The following MAML2 variants were observed in gnomAD, a reference collection of about 807,000 sequenced individuals.
The protein encoded by MAML2 is mastermind-like protein 2.
MAML2 carries 22 observed loss-of-function variants against 96.1 expected under a neutral mutation model. That is an observed-to-expected ratio of 0.23 (90% CI 0.16 to 0.33). MAML2 has a LOEUF of 0.33. MAML2 is among the 10% of genes least tolerant of loss of function. The probability of loss-of-function intolerance (pLI) is 1.00; values close to 1 mark genes in which losing one functional copy is unlikely to be tolerated. For missense variants in MAML2, 1,367 were observed against 1,392.4 expected (o/e 0.98, Z 0.29); for synonymous variants, 561 against 521.3 (o/e 1.08, Z -1.04).
intron 1 of MAML2, among the ~76,000 whole-genome samples, chr11:96,176,614 TG>T (rs1861392051): frequency 6.6e-6 from 1 of 151,976 alleles, no homozygotes; most frequent in Non-Finnish European, 1.5e-5. Flanking sequence ...TATGAGAAAA[TG>T]GAAAAGGTGA....
intron 1 of MAML2, among the ~76,000 whole-genome samples, chr11:96,184,768 C>CT (rs1861547047): frequency 6.6e-6 from 1 of 151,736 alleles, no homozygotes; most frequent in Non-Finnish European, 1.5e-5. Context: ...TTTTTGTATT[C>CT]TTAGTAGAGA....
In MAML2 at chr11:95,991,544, G is replaced by T; in HGVS notation, c.2319C>A (p.Leu773=). 1.2e-6 allele frequency: 2 copies of T among 1,613,728 alleles called. No individual in the cohort carries two copies. Among genetic ancestry groups the T allele is most frequent in the Non-Finnish European group, 1.7e-6 (2 of 1,179,700 alleles). The stretch of plus-strand genomic sequence containing the variant: ...CCGCGTCAGCCAGCATCTGCTGCTG[G>T]AGAAGAAGTTGCTGTTTCTGCTCCA... ...QIMEQKQQLL[L]QQQMLADAEK... The change falls in exon 3 of 5, where the codon CTC becomes CTA. Residue 773 remains leucine (L), a synonymous_variant. Transcript: ENST00000524717.
chr11:96,299,405 T>C (rs143986340), intron 1 of MAML2, among the ~76,000 whole-genome samples: 1 of 151,690 alleles, frequency 6.6e-6, no homozygotes, highest in Admixed American at 6.6e-5. Context: ...GTTTGCCTGG[T>C]GGATGAAGTC....
At chr11:96,042,400 C>T (rs775551734) in intron 2 of MAML2, among the ~76,000 whole-genome samples, 1 of 152,294 alleles carries the variant, frequency 6.6e-6, no homozygotes, top group African/African-American at 2.4e-5. Context: ...GGATTACAGG[C>T]GTGAGCCAGT....
At chr11:96,049,776 T>G (rs565738145) in intron 2 of MAML2, among the ~76,000 whole-genome samples, 1 of 152,324 alleles carries the variant, frequency 6.6e-6, no homozygotes, top group Admixed American at 6.5e-5. Flanking sequence ...AATGGAGTAC[T>G]TAATCCTTTT....
At chr11:96,046,991 C>T (rs1392362492) in intron 2 of MAML2, among the ~76,000 whole-genome samples, 1 of 152,170 alleles carries the variant, frequency 6.6e-6, no homozygotes. Flanking sequence ...AAGACTAGAT[C>T]AGGACCTTAC....
At chr11:96,034,553 C>T (rs1858674369) in intron 2 of MAML2, among the ~76,000 whole-genome samples, 1 of 151,900 alleles carries the variant, frequency 6.6e-6, no homozygotes, top group Non-Finnish European at 1.5e-5. Context: ...CATCAACTTA[C>T]TATAAAGCTC....
At position 96,216,027 on chromosome 11, in the gene MAML2, C is replaced by T. The variant is rs373533120; in HGVS notation, c.514-122510G>A. On this transcript the variant is annotated intron_variant, in intron 1 of 4. Transcript: ENST00000524717. The stretch of plus-strand genomic sequence containing the variant: ...GCATATTTTGAGACAGAGTTACATA[C>T]TCAATTTGCTTAAAAAAAAAATAGA... Among the ~76,000 whole-genome samples, 91 of 150,556 alleles carry T rather than the reference C, an allele frequency of 6.0e-4. 2 individuals carry two copies. In the South Asian group the frequency reaches 0.018, roughly 30 times the overall value.
intron 1 of MAML2, among the ~76,000 whole-genome samples, chr11:96,179,597 G>A (rs1861451000): frequency 6.6e-6 from 1 of 152,156 alleles, no homozygotes; most frequent in Admixed American, 6.5e-5. Flanking sequence ...CCAGGTCTCT[G>A]AAGGTTAGAT....
intron 1 of MAML2, among the ~76,000 whole-genome samples, chr11:96,144,467 T>C (rs980662657): frequency 1.3e-5 from 2 of 152,124 alleles, no homozygotes; most frequent in South Asian, 2.1e-4. Flanking sequence ...TTCAACCATA[T>C]GTAGAGGAAT....
At chr11:96,261,817 A>G (rs1828549083) in intron 1 of MAML2, among the ~76,000 whole-genome samples, 1 of 152,282 alleles carries the variant, frequency 6.6e-6, no homozygotes, top group Admixed American at 6.5e-5. Flanking sequence ...ATTATAAACA[A>G]CCAAGTTACC....
At chr11:96,273,658 T>C (rs1862944798) in intron 1 of MAML2, among the ~76,000 whole-genome samples, 1 of 152,232 alleles carries the variant, frequency 6.6e-6, no homozygotes, top group Admixed American at 6.5e-5. Flanking sequence ...GTAGTAGTTA[T>C]GTGACTTAGG....
intron 1 of MAML2, among the ~76,000 whole-genome samples, chr11:96,199,741 T>C (rs1221634075): frequency 2.0e-5 from 3 of 152,210 alleles, no homozygotes; most frequent in Non-Finnish European, 2.9e-5. Flanking sequence ...AATCTAACTC[T>C]GCTTAGTCGA....
At chr11:95,998,213 C>A (rs975500034) in intron 2 of MAML2, among the ~76,000 whole-genome samples, 2 of 150,128 alleles carry the variant, frequency 1.3e-5, no homozygotes, top group African/African-American at 4.8e-5. Context: ...ATCTACGTAC[C>A]CAACCTCCTT....
chr11:96,139,829 G>A (rs530577427), intron 1 of MAML2, among the ~76,000 whole-genome samples: 6 of 152,224 alleles, frequency 3.9e-5, no homozygotes, highest in African/African-American at 1.4e-4. Flanking sequence ...CAAACATTAA[G>A]GGCCTTTGAA....
At chr11:95,995,851 A>C (rs1055057940) in intron 2 of MAML2, among the ~76,000 whole-genome samples, 6 of 152,184 alleles carry the variant, frequency 3.9e-5, no homozygotes, top group African/African-American at 1.4e-4. Flanking sequence ...TCTCTGGCAT[A>C]CAGTTTATCT....
chr11:96,322,290 G>T (rs931486871), intron 1 of MAML2, among the ~76,000 whole-genome samples: 1 of 152,114 alleles, frequency 6.6e-6, no homozygotes, highest in Non-Finnish European at 1.5e-5. Flanking sequence ...GCCTGAAAAT[G>T]GTAAGAGGTC....
chr11:96,126,912 G>C (rs571663975), intron 1 of MAML2, among the ~76,000 whole-genome samples: 4,813 of 152,102 alleles, frequency 0.032, 90 homozygotes, highest in African/African-American at 0.041. Flanking sequence ...ACATGGGGGG[G>C]GTCAAATGGT....
At chr11:96,126,416 G>C (rs1860438540) in intron 1 of MAML2, among the ~76,000 whole-genome samples, 1 of 138,348 alleles carries the variant, frequency 7.2e-6, no homozygotes, top group South Asian at 2.6e-4. Flanking sequence ...AAATTAGCCA[G>C]GTGTAGTAGC....
Sources: gnomAD v4.1 joint callset for allele counts (sites outside exome capture counted in the v4.1 genomes callset) on GRCh38, gnomAD v4.1.1 for gene constraint, MANE v1.5 for transcripts, NCBI Gene and HGNC (gene_info 2026-07-23, HGNC 2026-07-21) for gene names.